Variants in SLC22A2 observed in about 807,000 individuals in gnomAD.
The protein encoded by SLC22A2 is organic cation transporter 2.
A neutral mutation model predicts 60.5 loss-of-function variants in SLC22A2; 46 were observed. That is an observed-to-expected ratio of 0.76 (90% CI 0.60 to 0.97). The LOEUF (loss-of-function observed/expected upper bound fraction) is 0.97, where lower values mean the gene tolerates loss of function less well. SLC22A2 is among the 50% of genes least tolerant of loss of function. The probability of loss-of-function intolerance (pLI) is 0.00; values close to 1 mark genes in which losing one functional copy is unlikely to be tolerated. For synonymous variants in SLC22A2, 303 were observed against 267.0 expected (o/e 1.13, Z -1.31); for missense variants, 701 against 706.6 (o/e 0.99, Z 0.09).
At chr6:160,257,590 A>C (rs1298199822) in intron 1 of SLC22A2, among the ~76,000 whole-genome samples, 1 of 152,086 alleles carries the variant, frequency 6.6e-6, no homozygotes, top group Non-Finnish European at 1.5e-5. Context: ...AGACCCTTCA[A>C]ATTAGACTCT....
intron 9 of SLC22A2, among the ~76,000 whole-genome samples, chr6:160,237,924 C>T (rs991679251): frequency 2.7e-4 from 41 of 152,332 alleles, no homozygotes; most frequent in African/African-American, 9.6e-4. Context: ...CCCACCAGTG[C>T]CATGACAGTT....
intron 1 of SLC22A2, 53 bp from the exon 2 acceptor site, chr6:160,256,770 TGTTA>T (rs1783279524): frequency 1.6e-6 from 2 of 1,219,958 alleles, no homozygotes; most frequent in South Asian, 2.4e-5. Context: ...AATGAAATCC[TGTTA>T]GAATCCTGTT....
intron 10 of SLC22A2, among the ~76,000 whole-genome samples, chr6:160,221,109 T>C (rs1235028322): frequency 6.6e-6 from 1 of 152,256 alleles, no homozygotes; most frequent in Admixed American, 6.5e-5. Context: ...CTGTTGTGTC[T>C]ATATTGAAAA....
At chr6:160,239,902 C>G (rs538118897) in intron 9 of SLC22A2, among the ~76,000 whole-genome samples, 397 of 152,192 alleles carry the variant, frequency 2.6e-3, no homozygotes, top group Admixed American at 6.4e-3. Flanking sequence ...GCTGGCAGAT[C>G]TAGAGTGGTG....
intron 1 of SLC22A2, among the ~76,000 whole-genome samples, 178 bp from the exon 2 acceptor site, chr6:160,256,895 T>G (rs1783282256): frequency 6.8e-6 from 1 of 146,468 alleles, no homozygotes; most frequent in African/African-American, 2.6e-5. Flanking sequence ...TTCTTCTCTC[T>G]CTCTCTCTTT....
At chr6:160,254,294 A>G (rs999189774) in intron 2 of SLC22A2, among the ~76,000 whole-genome samples, 1 of 152,160 alleles carries the variant, frequency 6.6e-6, no homozygotes, top group Non-Finnish European at 1.5e-5. Flanking sequence ...TAAAAAAAAT[A>G]AAAAATATAG....
chr6:160,242,717 C>A (rs146434170), intron 7 of SLC22A2, among the ~76,000 whole-genome samples: 2 of 152,082 alleles, frequency 1.3e-5, no homozygotes, highest in African/African-American at 2.4e-5. Context: ...TTCCACCCCC[C>A]ACTGCCCATC....
intron 9 of SLC22A2, among the ~76,000 whole-genome samples, chr6:160,229,547 G>C (rs573488427): frequency 6.6e-6 from 1 of 151,870 alleles, no homozygotes; most frequent in African/African-American, 2.4e-5. Flanking sequence ...GCAGCCCAGG[G>C]CTGCTCACCC....
At chr6:160,227,224 T>G (rs1459122904) in intron 9 of SLC22A2, among the ~76,000 whole-genome samples, 1 of 152,160 alleles carries the variant, frequency 6.6e-6, no homozygotes, top group Non-Finnish European at 1.5e-5. Context: ...AGGAAACATT[T>G]GCCATTGATT....
At chr6:160,257,367 G>A in intron 1 of SLC22A2, among the ~76,000 whole-genome samples, 1 of 152,172 alleles carries the variant, frequency 6.6e-6, no homozygotes, top group East Asian at 1.9e-4. Context: ...GTCGGGTGGA[G>A]CAGGTGCTGG....
At chr6:160,250,818 A>G (rs1783173935) in intron 2 of SLC22A2, 116 bp from the exon 3 acceptor site, 3 of 1,074,884 alleles carry the variant, frequency 2.8e-6, no homozygotes, top group South Asian at 1.5e-5. Flanking sequence ...TTTAAATTTT[A>G]TGAATCCAGG....
chr6:160,250,505 G>C, intron 3 of SLC22A2, 43 bp downstream of exon 3: 2 of 1,606,466 alleles, frequency 1.2e-6, no homozygotes, highest in Non-Finnish European at 1.7e-6. Context: ...TTTTGGCAGC[G>C]AGGTTGCTTT....
At chr6:160,242,605 T>C (rs1396379415) in intron 7 of SLC22A2, among the ~76,000 whole-genome samples, 1 of 100,898 alleles carries the variant, frequency 9.9e-6, no homozygotes, top group African/African-American at 2.8e-5. Flanking sequence ...TAATTCTCTC[T>C]TTTTTAAAAA....
rs180754638 is a variant in SLC22A2, at chr6:160,220,512, A to G, written c.1602-3014T>C. Among the ~76,000 whole-genome samples, 4 of 152,338 alleles carry G rather than the reference A, an allele frequency of 2.6e-5. No homozygotes were observed. In the East Asian group the frequency reaches 7.7e-4, roughly 29 times the overall value. ...CCTCTAATGATCCACAAATGTTCTT[A>G]GTGGCATCTACAATGGTGAAAGATT... is the stretch of plus-strand genomic sequence containing the variant. On this transcript the variant is annotated intron_variant, in intron 10 of 10. Transcript: ENST00000366953.
At chr6:160,247,103 T>G in intron 5 of SLC22A2, 81 bp downstream of exon 5, 4 of 841,338 alleles carry the variant, frequency 4.8e-6, no homozygotes, top group Non-Finnish European at 8.0e-6. Context: ...GGTTCCCTGC[T>G]GAGATCACTG....
intron 1 of SLC22A2, among the ~76,000 whole-genome samples, chr6:160,257,295 G>A (rs1310778874): frequency 6.6e-6 from 1 of 152,184 alleles, no homozygotes; most frequent in Non-Finnish European, 1.5e-5. Flanking sequence ...TTTAATAAAA[G>A]GGGATTAGGA....
At chr6:160,249,499 T>G in intron 3 of SLC22A2, 115 bp from the exon 4 acceptor site, 1 of 796,094 alleles carries the variant, frequency 1.3e-6, no homozygotes, top group Non-Finnish European at 2.1e-6. Context: ...TAGAATATTC[T>G]ACGCAACTCT....
chr6:160,225,714 A>G (rs1424255428), intron 9 of SLC22A2, among the ~76,000 whole-genome samples: 3 of 152,226 alleles, frequency 2.0e-5, no homozygotes, highest in Admixed American at 6.5e-5. Context: ...AGTTTGGCCT[A>G]AAGGTTTCTC....
intron 2 of SLC22A2, among the ~76,000 whole-genome samples, chr6:160,256,116 T>C (rs1783267727): frequency 6.6e-6 from 1 of 151,972 alleles, no homozygotes; most frequent in Non-Finnish European, 1.5e-5. Context: ...ACATATATGG[T>C]CATATATGGC....
Sources: gnomAD v4.1 joint callset for allele counts (sites outside exome capture counted in the v4.1 genomes callset) on GRCh38, gnomAD v4.1.1 for gene constraint, MANE v1.5 for transcripts, NCBI Gene and HGNC (gene_info 2026-07-23, HGNC 2026-07-21) for gene names.